Variants in THADA observed in about 807,000 individuals in gnomAD.
The protein encoded by THADA is tRNA (32-2'-O)-methyltransferase regulator THADA.
A neutral mutation model predicts 219.8 loss-of-function variants in THADA; 213 were observed. That is an observed-to-expected ratio of 0.97 (90% CI 0.87 to 1.09). THADA has a LOEUF of 1.09. Ranked by LOEUF, THADA falls within the 50% of genes least tolerant of loss-of-function variation. The pLI is 0.00. For synonymous variants in THADA, 1,018 were observed against 828.9 expected (o/e 1.23, Z -3.92); for missense variants, 2,956 against 2,311.3 (o/e 1.28, Z -5.72).
chr2:43,408,780 T>C (rs1675915033), intron 28 of THADA, among the ~76,000 whole-genome samples: 1 of 152,228 alleles, frequency 6.6e-6, no homozygotes, highest in Non-Finnish European at 1.5e-5. Flanking sequence ...TAGCTATCTT[T>C]TTTATTTTAA....
At chr2:43,433,187 T>A (rs747272218) in intron 26 of THADA, among the ~76,000 whole-genome samples, 1 of 152,038 alleles carries the variant, frequency 6.6e-6, no homozygotes, top group Non-Finnish European at 1.5e-5. Flanking sequence ...GTATTTCATA[T>A]TTTTAATCGG....
At chr2:43,336,817 A>G (rs535213533) in intron 30 of THADA, among the ~76,000 whole-genome samples, 1 of 152,332 alleles carries the variant, frequency 6.6e-6, no homozygotes, top group Non-Finnish European at 1.5e-5. Context: ...GCCAATAGCA[A>G]GGGATACAAA....
At chr2:43,246,515 C>CA (rs1364583324) in intron 36 of THADA, among the ~76,000 whole-genome samples, 3 of 151,062 alleles carry the variant, frequency 2.0e-5, no homozygotes, top group African/African-American at 7.3e-5. Context: ...AACAAACAAA[C>CA]AAACAAAAAA....
chr2:43,287,300 T>C (rs1440428943), intron 34 of THADA, among the ~76,000 whole-genome samples: 1 of 151,886 alleles, frequency 6.6e-6, no homozygotes, highest in Non-Finnish European at 1.5e-5. Context: ...CCTTTAGTCT[T>C]TTTTTTTGGT....
At chr2:43,595,910 C>T (rs1027192742) in intron 1 of THADA, 21 bp downstream of exon 1, 1 of 152,326 alleles carries the variant, frequency 6.6e-6, no homozygotes, top group African/African-American at 2.4e-5. Context: ...GTCTGGCAGG[C>T]AGGACACCTG....
At chr2:43,283,206 T>C (rs1235269130) in intron 35 of THADA, among the ~76,000 whole-genome samples, 1 of 152,244 alleles carries the variant, frequency 6.6e-6, no homozygotes, top group Non-Finnish European at 1.5e-5. Context: ...CCAGCCATGC[T>C]TCCTGTTAAG....
intron 31 of THADA, among the ~76,000 whole-genome samples, chr2:43,301,336 G>T (rs192375368): frequency 6.6e-6 from 1 of 152,220 alleles, no homozygotes; most frequent in Admixed American, 6.5e-5. Flanking sequence ...GAATTCAAAA[G>T]AACGAATACG....
chr2:43,271,835 G>A (rs1018939293), intron 36 of THADA, among the ~76,000 whole-genome samples: 2 of 151,882 alleles, frequency 1.3e-5, no homozygotes, highest in African/African-American at 4.8e-5. Context: ...GGCTGGTCTC[G>A]AACTCCTGAC....
At chr2:43,265,050 G>A (rs1203661565) in intron 36 of THADA, among the ~76,000 whole-genome samples, 1 of 152,230 alleles carries the variant, frequency 6.6e-6, no homozygotes, top group Admixed American at 6.5e-5. Context: ...TCTGATCCCT[G>A]AGTGTGTGCT....
At chr2:43,485,630 A>G (rs1686826666) in intron 25 of THADA, among the ~76,000 whole-genome samples, 1 of 152,286 alleles carries the variant, frequency 6.6e-6, no homozygotes, top group South Asian at 2.1e-4. Flanking sequence ...TTTTCTAAAA[A>G]TTCATTTTTC....
At chr2:43,474,645 T>C (rs1170031719) in intron 26 of THADA, among the ~76,000 whole-genome samples, 3 of 151,700 alleles carry the variant, frequency 2.0e-5, no homozygotes, top group African/African-American at 4.9e-5. Context: ...AAGGCTTTGC[T>C]TATAGGGGGC....
At chr2:43,281,747 T>G (rs1422515041) in intron 35 of THADA, among the ~76,000 whole-genome samples, 1 of 151,962 alleles carries the variant, frequency 6.6e-6, no homozygotes, top group Non-Finnish European at 1.5e-5. Flanking sequence ...TCTCATGCAC[T>G]TTTATGTCCT....
chr2:43,248,160 TATATAGAGAG>T (rs1268949858), intron 36 of THADA, among the ~76,000 whole-genome samples: 301 of 52,612 alleles, frequency 5.7e-3, no homozygotes, highest in Non-Finnish European at 6.5e-3. Context: ...TATATATATA[TATATAGAGAG>T]AGAGAGAGAG....
chr2:43,574,185 T>C (rs1699591195), intron 11 of THADA, 151 bp downstream of exon 11: 1 of 640,804 alleles, frequency 1.6e-6, no homozygotes, highest in Non-Finnish European at 2.5e-6. Flanking sequence ...TATAGGAACA[T>C]TCGTTTCAAA....
chr2:43,234,634 G>A (rs1265000424), intron 36 of THADA, among the ~76,000 whole-genome samples: 1 of 152,074 alleles, frequency 6.6e-6, no homozygotes, highest in East Asian at 1.9e-4. Context: ...ATAATTAAGT[G>A]GCCTTTTTCT....
intron 11 of THADA, among the ~76,000 whole-genome samples, chr2:43,573,213 C>T (rs904166356): frequency 6.6e-6 from 1 of 152,164 alleles, no homozygotes; most frequent in African/African-American, 2.4e-5. Context: ...ATTCTCTTAT[C>T]GTTAACATAA....
intron 26 of THADA, among the ~76,000 whole-genome samples, chr2:43,438,742 G>A (rs1380282626): frequency 6.6e-6 from 1 of 152,192 alleles, no homozygotes. Flanking sequence ...CATACCCCTA[G>A]TGGATGCCTG....
chr2:43,279,404 A>G (rs1673087652), intron 36 of THADA, among the ~76,000 whole-genome samples: 1 of 152,244 alleles, frequency 6.6e-6, no homozygotes, highest in African/African-American at 2.4e-5. Context: ...CCACACAGAT[A>G]ATAGAGACTT....
At chr2:43,438,933 T>C (rs1680499013) in intron 26 of THADA, among the ~76,000 whole-genome samples, 1 of 152,246 alleles carries the variant, frequency 6.6e-6, no homozygotes, top group South Asian at 2.1e-4. Context: ...TCTATATATA[T>C]ACCTTATACT....
Sources: allele counts gnomAD v4.1 joint callset (sites outside exome capture counted in the v4.1 genomes callset), GRCh38; gene constraint gnomAD v4.1.1; transcripts MANE v1.5; gene names NCBI Gene and HGNC (gene_info 2026-07-23, HGNC 2026-07-21).